LRCH2: variants seen among roughly 807,000 people sequenced by gnomAD.
The protein encoded by LRCH2 is leucine-rich repeat and calponin homology domain-containing protein 2.
LRCH2 carries 38 observed loss-of-function variants against 68.9 expected under a neutral mutation model. The observed-to-expected ratio is 0.55, with a 90% confidence interval of 0.43 to 0.72. The LOEUF is 0.72. LRCH2 is among the 30% of genes least tolerant of loss of function. LRCH2 has a pLI of 0.00. For missense variants in LRCH2, 528 were observed against 572.9 expected, an observed-to-expected ratio of 0.92 and a Z score of 0.80; for synonymous variants, 191 against 208.1, an observed-to-expected ratio of 0.92 and a Z score of 0.71.
chrX:115,186,403 A>G (rs1449576923), intron 2 of LRCH2, among the ~76,000 whole-genome samples: 2 of 111,331 alleles, frequency 1.8e-5, no homozygotes, highest in African/African-American at 6.5e-5. Flanking sequence ...TTTCACCAGA[A>G]TCTGGTTTCT....
chrX:115,167,672 AG>A (rs1442650524), intron 6 of LRCH2, among the ~76,000 whole-genome samples: 1 of 111,836 alleles, frequency 8.9e-6, no homozygotes, highest in Non-Finnish European at 1.9e-5. Flanking sequence ...AGCTTACAAA[AG>A]TTAACGTCCC....
intron 20 of LRCH2, 74 bp downstream of exon 20, chrX:115,122,453 T>G (rs1368507422): frequency 5.9e-6 from 5 of 849,857 alleles, no homozygotes; most frequent in Non-Finnish European, 8.6e-6. Context: ...TATTCATTGC[T>G]CTAAGAAGAA....
chrX:115,189,313 T>C (rs1569515500), intron 1 of LRCH2: 6 of 668,797 alleles, frequency 9.0e-6, no homozygotes, highest in East Asian at 7.1e-5. Context: ...TAAGGTACTC[T>C]TTTCCTTCTT....
chrX:115,190,028 C>T (rs1556556754), intron 1 of LRCH2: 1 of 1,159,334 alleles, frequency 8.6e-7, no homozygotes, highest in Admixed American at 2.6e-5. Context: ...GGCTTGCAGC[C>T]ACGGCGCTGG....
intron 14 of LRCH2, among the ~76,000 whole-genome samples, chrX:115,140,836 CAAT>C (rs201147848): frequency 0.054 from 6,025 of 110,753 alleles, 407 homozygotes; most frequent in African/African-American, 0.19. Context: ...AATAAAACAT[CAAT>C]AATAACACTA....
intron 15 of LRCH2, among the ~76,000 whole-genome samples, chrX:115,128,615 G>A (rs1462355996): frequency 8.9e-6 from 1 of 112,207 alleles, no homozygotes; most frequent in Non-Finnish European, 1.9e-5. Flanking sequence ...GGAGAAAAAA[G>A]GAGAGCTACT....
intron 11 of LRCH2, among the ~76,000 whole-genome samples, chrX:115,159,490 G>A (rs1450888758): frequency 9.1e-5 from 10 of 110,028 alleles, no homozygotes; most frequent in African/African-American, 3.3e-4. Context: ...GGTGGCTCAC[G>A]CCTGTAATCC....
intron 13 of LRCH2, 22 bp downstream of exon 13, chrX:115,150,000 T>C: frequency 8.6e-7 from 1 of 1,159,413 alleles, no homozygotes. Flanking sequence ...ATAGATATAA[T>C]TGTAATTTAA....
intron 6 of LRCH2, 66 bp from the exon 7 acceptor site, chrX:115,166,408 C>A: frequency 1.4e-6 from 1 of 698,051 alleles, no homozygotes; most frequent in Admixed American, 2.9e-5. Flanking sequence ...CACATTTGAC[C>A]TAAAATTTCC....
intron 14 of LRCH2, among the ~76,000 whole-genome samples, chrX:115,137,936 G>A (rs1034121048): frequency 5.5e-5 from 6 of 109,535 alleles, no homozygotes; most frequent in Non-Finnish European, 5.7e-5. Flanking sequence ...GTGACACAGC[G>A]AGGCTCCGTC....
intron 14 of LRCH2, among the ~76,000 whole-genome samples, chrX:115,146,949 AC>A (rs2072389507): frequency 1.8e-5 from 2 of 108,440 alleles, no homozygotes; most frequent in African/African-American, 6.7e-5. Flanking sequence ...ACACACACAC[AC>A]ACACACACAT....
At chrX:115,137,940 C>T (rs1248388984) in intron 14 of LRCH2, among the ~76,000 whole-genome samples, 1 of 109,023 alleles carries the variant, frequency 9.2e-6, no homozygotes, top group African/African-American at 3.3e-5. Flanking sequence ...CACAGCGAGG[C>T]TCCGTCTCAA....
chrX:115,200,697 G>A (rs1254625774), intron 1 of LRCH2, among the ~76,000 whole-genome samples: 8 of 109,626 alleles, frequency 7.3e-5, no homozygotes, highest in African/African-American at 2.3e-4. Flanking sequence ...TTGGCTGAGG[G>A]ATTCACAGCC....
chrX:115,196,069 G>T (rs1204806027), intron 1 of LRCH2, among the ~76,000 whole-genome samples: 4 of 111,431 alleles, frequency 3.6e-5, no homozygotes, highest in African/African-American at 1.3e-4. Context: ...GGATCAATGG[G>T]GAATCCCACA....
intron 1 of LRCH2, among the ~76,000 whole-genome samples, chrX:115,232,104 G>A (rs1274096518): frequency 1.8e-5 from 2 of 111,218 alleles, no homozygotes; most frequent in Non-Finnish European, 3.8e-5. Context: ...CTAGTTGGAA[G>A]AGAGGATTCT....
chrX:115,186,813 C>CTTTT (rs35505436), intron 2 of LRCH2, among the ~76,000 whole-genome samples: 1 of 54,314 alleles, frequency 1.8e-5, no homozygotes, highest in Non-Finnish European at 3.6e-5. Flanking sequence ...TTCCCTCACA[C>CTTTT]TTTTTTTTTT....
At chrX:115,210,035 A>G (rs781994765) in intron 1 of LRCH2, among the ~76,000 whole-genome samples, 41 of 111,632 alleles carry the variant, frequency 3.7e-4, no homozygotes, top group South Asian at 1.1e-3. Flanking sequence ...TTTAAAAGGG[A>G]AACAGCATAA....
rs782197628 is a variant in LRCH2 at position 115,123,972 on chromosome X, T to C, written c.1822A>G (p.Ser608Gly). 30 of 1,112,107 alleles carry C rather than the reference T, an allele frequency of 2.7e-5. No homozygotes were observed. The highest frequency in any genetic ancestry group is 3.3e-5 in the Non-Finnish European group (28 of 839,946). 91.7% of individuals were successfully genotyped at this position (1,112,107 alleles called of 1,213,427 possible). ...EYDRTDGFSH[S>G]PFGLKPRSAF... ...GATCTAGGCTTCAAGCCAAAGGGACTGTGTGAAAAACCATCAGTTCTGTCA... is the reference window on the plus strand; with the variant it reads ...GATCTAGGCTTCAAGCCAAAGGGACCGTGTGAAAAACCATCAGTTCTGTCA... Residue 608 changes from serine to glycine, a missense_variant, in exon 17 of 21, where the codon AGT becomes GGT. Ser to Gly is a moderately conservative substitution (Grantham distance 56). Coordinates refer to ENST00000317135, the MANE Select transcript of LRCH2 (RefSeq NM_020871.4).
intron 1 of LRCH2, chrX:115,189,567 C>T (rs994299318): frequency 1.7e-6 from 2 of 1,173,530 alleles, no homozygotes; most frequent in Non-Finnish European, 2.3e-6. Flanking sequence ...TGATGAAAGA[C>T]CGAAAAACCA....
Sources: gnomAD v4.1 joint callset for allele counts (sites outside exome capture counted in the v4.1 genomes callset) on GRCh38, gnomAD v4.1.1 for gene constraint, MANE v1.5 for transcripts, NCBI Gene and HGNC (gene_info 2026-07-23, HGNC 2026-07-21) for gene names.